The following MAD1L1 variants were observed in gnomAD, a reference collection of about 807,000 sequenced individuals.
The protein encoded by MAD1L1 is mitotic arrest deficient 1 like 1, also known as mitotic spindle assembly checkpoint protein MAD1.
A neutral mutation model predicts 96.9 loss-of-function variants in MAD1L1; 95 were observed. The observed-to-expected ratio is 0.98, with a 90% confidence interval of 0.83 to 1.16. MAD1L1 has a LOEUF of 1.16. MAD1L1 is among the 50% of genes most tolerant of loss of function. The pLI, the probability that MAD1L1 is intolerant of heterozygous loss-of-function variation, is 0.00. For synonymous variants in MAD1L1, 473 were observed against 396.6 expected (o/e 1.19, Z -2.29); for missense variants, 1,007 against 954.4 (o/e 1.06, Z -0.73).
At chr7:1,928,889 G>C (rs1375632529) in intron 17 of MAD1L1, among the ~76,000 whole-genome samples, 1 of 152,222 alleles carries the variant, frequency 6.6e-6, no homozygotes, top group Non-Finnish European at 1.5e-5. Context: ...CCACGGAGCA[G>C]CCATTAGGGC....
chr7:2,091,591 G>T (rs938228688), intron 11 of MAD1L1, among the ~76,000 whole-genome samples: 9 of 152,150 alleles, frequency 5.9e-5, no homozygotes, highest in Non-Finnish European at 1.2e-4. Flanking sequence ...CTGGCTAACA[G>T]GGTGAAACCC....
At chr7:2,225,341 C>A in intron 4 of MAD1L1, 69 bp downstream of exon 4, 2 of 1,559,052 alleles carry the variant, frequency 1.3e-6, no homozygotes, top group Non-Finnish European at 8.8e-7. Context: ...TATAACCTGG[C>A]AGGTACCGTG....
At chr7:2,018,269 G>C (rs533574883) in intron 12 of MAD1L1, among the ~76,000 whole-genome samples, 2 of 152,204 alleles carry the variant, frequency 1.3e-5, no homozygotes, top group African/African-American at 2.4e-5. Context: ...AACCACACAG[G>C]AGAGGGCAGA....
At chr7:2,194,174 C>G (rs1411767116) in intron 10 of MAD1L1, among the ~76,000 whole-genome samples, 1 of 151,948 alleles carries the variant, frequency 6.6e-6, no homozygotes, top group African/African-American at 2.4e-5. Context: ...CCAGGCTGGT[C>G]CTGAACTCCT....
chr7:2,012,582 C>T (rs1782351983), intron 13 of MAD1L1, among the ~76,000 whole-genome samples: 1 of 152,132 alleles, frequency 6.6e-6, no homozygotes, highest in Non-Finnish European at 1.5e-5. Flanking sequence ...GAAAGGAAAG[C>T]CAGGAGCGGG....
In MAD1L1 at chr7:2,131,328, G is replaced by A. The variant is rs554219760; in HGVS notation, c.1073+17824C>T. Among the ~76,000 whole-genome samples, 132 of 152,310 alleles carry A rather than the reference G, an allele frequency of 8.7e-4. 1 individual carries two copies. The highest frequency in any genetic ancestry group is 3.0e-3 in the African/African-American group (126 of 41,570). ...CCCTCACTTCTCCACCTTGTGATGA[G>A]AGGCTACATTAAAAATGGCTTACGC... On this transcript the variant is annotated intron_variant, in intron 11 of 18. Coordinates refer to ENST00000265854, the MANE Select transcript of MAD1L1 (RefSeq NM_001013836.2).
intron 12 of MAD1L1, among the ~76,000 whole-genome samples, chr7:2,055,958 G>A (rs377092848): frequency 6.6e-6 from 1 of 152,222 alleles, no homozygotes; most frequent in African/African-American, 2.4e-5. Context: ...CAGCCTGAGT[G>A]ACAGGGCAAG....
chr7:1,918,377 C>G (rs1052192967), intron 17 of MAD1L1, among the ~76,000 whole-genome samples: 9 of 152,184 alleles, frequency 5.9e-5, no homozygotes, highest in Non-Finnish European at 7.3e-5. Context: ...TGTCTGGATC[C>G]TCCCTCGGCT....
At chr7:1,863,142 G>A (rs115258911) in intron 18 of MAD1L1, among the ~76,000 whole-genome samples, 6,090 of 152,366 alleles carry the variant, frequency 0.04, 386 homozygotes, top group African/African-American at 0.13. Context: ...GCCAGGTGGC[G>A]TCCAGATCTG....
chr7:2,158,100 C>G (rs1001501119), intron 10 of MAD1L1, among the ~76,000 whole-genome samples: 2 of 152,224 alleles, frequency 1.3e-5, no homozygotes, highest in African/African-American at 4.8e-5. Flanking sequence ...AGCTGCGAAG[C>G]CTTTTAAATT....
rs1016175866 is a variant in MAD1L1, at chr7:2,146,819, G to A, written c.1073+2333C>T. Among the ~76,000 whole-genome samples the A allele has an allele frequency of 9.8e-5, 15 of 152,330 alleles. No homozygotes were observed. Among genetic ancestry groups the A allele is most frequent in the African/African-American group, 3.6e-4 (15 of 41,568 alleles). ...GAGACTTGTAGAAATGTGCTCAGCT[G>A]TTCAACCGTGCGAGGCTCCCTGACC... On this transcript the variant is annotated intron_variant, in intron 11 of 18. Transcript: ENST00000265854. This position sits in a 1 kb window ranked among gnomAD's most constrained non-coding sequence, Gnocchi z 6.2.
intron 14 of MAD1L1, among the ~76,000 whole-genome samples, chr7:1,983,457 GGATT>G (rs1268417628): frequency 6.6e-6 from 1 of 151,998 alleles, no homozygotes; most frequent in Non-Finnish European, 1.5e-5. Context: ...TCTGGAGTTG[GGATT>G]GATAGGTAAC....
At chr7:2,118,377 G>A (rs1179251571) in intron 11 of MAD1L1, among the ~76,000 whole-genome samples, 2 of 152,358 alleles carry the variant, frequency 1.3e-5, no homozygotes, top group East Asian at 3.9e-4. Flanking sequence ...CTGACCAGCA[G>A]GACCTCCCCC....
intron 12 of MAD1L1, among the ~76,000 whole-genome samples, chr7:2,031,212 C>T (rs769929245): frequency 1.3e-5 from 2 of 152,200 alleles, no homozygotes; most frequent in African/African-American, 2.4e-5. Context: ...CCTCTGCCTG[C>T]AGCTGCACCA....
chr7:2,093,762 G>A (rs192988144), intron 11 of MAD1L1, among the ~76,000 whole-genome samples: 7 of 152,258 alleles, frequency 4.6e-5, no homozygotes, highest in East Asian at 1.9e-4. Context: ...GGCAACGCAC[G>A]GGAGAGTCCA....
chr7:1,830,484 G>C (rs1782650264), intron 18 of MAD1L1, among the ~76,000 whole-genome samples: 1 of 152,218 alleles, frequency 6.6e-6, no homozygotes, highest in South Asian at 2.1e-4. Flanking sequence ...TGAGGGGTGG[G>C]AGCTGCATGG....
At chr7:1,960,329 T>A (rs1052471301) in intron 15 of MAD1L1, among the ~76,000 whole-genome samples, 12 of 150,136 alleles carry the variant, frequency 8.0e-5, no homozygotes, top group Non-Finnish European at 1.6e-4. Flanking sequence ...AAACTAATTA[T>A]ATCATAAACA....
intron 11 of MAD1L1, among the ~76,000 whole-genome samples, chr7:2,090,400 AT>A (rs1786148574): frequency 6.6e-6 from 1 of 152,064 alleles, no homozygotes; most frequent in Admixed American, 6.5e-5. Flanking sequence ...TTTGATTTTG[AT>A]TTTGGAACGA....
chr7:2,131,902 A>G (rs1788525807), intron 11 of MAD1L1, among the ~76,000 whole-genome samples: 1 of 152,186 alleles, frequency 6.6e-6, no homozygotes, highest in Non-Finnish European at 1.5e-5. Context: ...AGCCCCCCAC[A>G]AGGGCCTGAC....
Sources: allele counts gnomAD v4.1 joint callset (sites outside exome capture counted in the v4.1 genomes callset), GRCh38; gene constraint gnomAD v4.1.1; non-coding constraint Gnocchi (gnomAD v3.1); transcripts MANE v1.5; gene names NCBI Gene and HGNC (gene_info 2026-07-23, HGNC 2026-07-21).